The following GRIP1 variants were observed in gnomAD, a reference collection of about 807,000 sequenced individuals.
The protein encoded by GRIP1 is glutamate receptor-interacting protein 1.
A neutral mutation model predicts 129.9 loss-of-function variants in GRIP1; 45 were observed. The ratio of observed to expected loss-of-function variants is 0.35; its 90% CI spans 0.27 to 0.44. The LOEUF (loss-of-function observed/expected upper bound fraction) is 0.44, where lower values mean the gene tolerates loss of function less well. GRIP1 is among the 20% of genes least tolerant of loss of function. The probability of loss-of-function intolerance (pLI) is 1.00; values close to 1 mark genes in which losing one functional copy is unlikely to be tolerated. For missense variants in GRIP1, 1,196 were observed against 1,396.8 expected (o/e 0.86, Z 2.29); for synonymous variants, 530 against 520.8 (o/e 1.02, Z -0.24).
intron 2 of GRIP1, among the ~76,000 whole-genome samples, chr12:66,561,482 A>C (rs1450300311): frequency 6.6e-6 from 1 of 152,076 alleles, no homozygotes; most frequent in Non-Finnish European, 1.5e-5. Context: ...AAAAATTAAA[A>C]ACTAAAAAAA....
At chr12:67,057,984 G>A (rs2043466942) in intron 1 of GRIP1, among the ~76,000 whole-genome samples, 2 of 152,220 alleles carry the variant, frequency 1.3e-5, no homozygotes, top group African/African-American at 2.4e-5. Flanking sequence ...ATCCTGACAC[G>A]AAGAGGACAA....
chr12:66,454,751 T>C (rs556384387), intron 11 of GRIP1, among the ~76,000 whole-genome samples: 2 of 152,258 alleles, frequency 1.3e-5, no homozygotes, highest in East Asian at 3.9e-4. Context: ...GGATGCTTAT[T>C]GTAAAGCTGA....
chr12:66,627,822 TG>T (rs1395964726), intron 1 of GRIP1, among the ~76,000 whole-genome samples: 2 of 152,250 alleles, frequency 1.3e-5, no homozygotes, highest in African/African-American at 4.8e-5. Flanking sequence ...AATCTCCTTC[TG>T]CTAGTCTTGG....
intron 7 of GRIP1, among the ~76,000 whole-genome samples, chr12:66,488,938 G>A (rs2060030871): frequency 6.6e-6 from 1 of 152,098 alleles, no homozygotes; most frequent in African/African-American, 2.4e-5. Context: ...TTAATTCCCT[G>A]AATAGACCAA....
intron 1 of GRIP1, among the ~76,000 whole-genome samples, chr12:66,799,978 T>C (rs9804980): frequency 0.062 from 9,483 of 152,202 alleles, 1,002 homozygotes; most frequent in African/African-American, 0.22. Flanking sequence ...ACGATTTGAA[T>C]ATCTAAGGCA....
At chr12:66,471,384 T>C (rs548978483) in intron 7 of GRIP1, among the ~76,000 whole-genome samples, 1 of 152,148 alleles carries the variant, frequency 6.6e-6, no homozygotes, top group African/African-American at 2.4e-5. Flanking sequence ...CCAGGGTTGC[T>C]GGGGAGGGAA....
At chr12:66,406,637 AC>A (rs2057200628) in intron 15 of GRIP1, among the ~76,000 whole-genome samples, 1 of 152,198 alleles carries the variant, frequency 6.6e-6, no homozygotes, top group African/African-American at 2.4e-5. Flanking sequence ...AGTATTAAAA[AC>A]ATTTTTTCTT....
intron 1 of GRIP1, among the ~76,000 whole-genome samples, chr12:66,600,156 A>G (rs551149077): frequency 3.0e-4 from 45 of 152,298 alleles, no homozygotes; most frequent in African/African-American, 1.1e-3. Flanking sequence ...AACACTTACA[A>G]ATGGTACTAC....
At chr12:66,510,673 T>G (rs1002738880) in intron 7 of GRIP1, among the ~76,000 whole-genome samples, 1 of 152,194 alleles carries the variant, frequency 6.6e-6, no homozygotes, top group East Asian at 1.9e-4. Flanking sequence ...ATAGCTTTCC[T>G]AAACAGACCA....
At chr12:66,490,364 A>G (rs944501876) in intron 7 of GRIP1, among the ~76,000 whole-genome samples, 17 of 152,160 alleles carry the variant, frequency 1.1e-4, no homozygotes, top group Non-Finnish European at 2.4e-4. Context: ...ACCTTACAAA[A>G]ACAAGCAATG....
chr12:66,658,750 A>C (rs545199571), intron 1 of GRIP1, among the ~76,000 whole-genome samples: 8 of 151,922 alleles, frequency 5.3e-5, no homozygotes, highest in African/African-American at 1.4e-4. Context: ...AAAAATAAAA[A>C]TAAAATAAGA....
intron 2 of GRIP1, among the ~76,000 whole-genome samples, chr12:66,557,157 C>T (rs1377610978): frequency 1.3e-5 from 2 of 151,824 alleles, no homozygotes; most frequent in Non-Finnish European, 1.5e-5. Context: ...ATGGAAACCA[C>T]AAAAGGGCAG....
intron 1 of GRIP1, among the ~76,000 whole-genome samples, chr12:66,905,448 A>G (rs547762258): frequency 6.6e-6 from 1 of 152,344 alleles, no homozygotes; most frequent in Admixed American, 6.5e-5. Context: ...ACTGAGAAAC[A>G]GACAAGAGGG....
chr12:66,709,830 T>C (rs769119015), intron 1 of GRIP1, among the ~76,000 whole-genome samples: 3 of 152,056 alleles, frequency 2.0e-5, no homozygotes, highest in Non-Finnish European at 4.4e-5. Context: ...GATCCGTTTA[T>C]AGGAAGTTTA....
intron 2 of GRIP1, among the ~76,000 whole-genome samples, chr12:66,590,149 C>T (rs2063802119): frequency 2.0e-5 from 3 of 152,152 alleles, no homozygotes; most frequent in Admixed American, 2.0e-4. Context: ...GTACCTGGAG[C>T]ACAACATTGA....
intron 9 of GRIP1, among the ~76,000 whole-genome samples, chr12:66,458,266 C>T (rs1014540879): frequency 8.5e-5 from 13 of 152,202 alleles, no homozygotes; most frequent in Non-Finnish European, 1.6e-4. Context: ...ATCTAGGCCA[C>T]TGTAACACCT....
In GRIP1 at chr12:66,678,989, C is replaced by A. The variant is rs762472742; in HGVS notation, c.-85G>T. On this transcript the variant is annotated 5_prime_UTR_variant, in exon 1 of 25. Coordinates refer to ENST00000359742, the MANE Select transcript of GRIP1 (RefSeq NM_001366722.1). ...GCAGCAGCAGCATATGAATTCCTTG[C>A]GCACATACCAGGAGAAAGGTAGTCC... 147 of 1,605,108 alleles carry A rather than the reference C, an allele frequency of 9.2e-5. 1 individual carries two copies. Among genetic ancestry groups the A allele is most frequent in the Non-Finnish European group, 1.2e-4 (138 of 1,175,244 alleles).
chr12:67,002,234 T>TC (rs542822632), intron 1 of GRIP1, among the ~76,000 whole-genome samples: 47 of 152,322 alleles, frequency 3.1e-4, no homozygotes, highest in African/African-American at 1.1e-3. Flanking sequence ...AACTATTTTT[T>TC]CCCACTCAAA....
intron 1 of GRIP1, among the ~76,000 whole-genome samples, chr12:66,904,735 T>A (rs1247450064): frequency 2.0e-5 from 3 of 151,954 alleles, no homozygotes; most frequent in African/African-American, 2.4e-5. Flanking sequence ...CTATTAAAAA[T>A]ACAAAAATTA....
Sources: allele counts gnomAD v4.1 joint callset (sites outside exome capture counted in the v4.1 genomes callset), GRCh38; gene constraint gnomAD v4.1.1; transcripts MANE v1.5; gene names NCBI Gene and HGNC (gene_info 2026-07-23, HGNC 2026-07-21).